Variants in TC2N observed in about 807,000 individuals in gnomAD.
TC2N encodes tandem C2 domains nuclear protein.
Under a neutral mutation model 61.9 loss-of-function variants are expected in TC2N, and 51 were observed. The ratio of observed to expected loss-of-function variants is 0.82; its 90% CI spans 0.66 to 1.04. The LOEUF (loss-of-function observed/expected upper bound fraction) is 1.04, where lower values mean the gene tolerates loss of function less well. Among genes scored for constraint, TC2N ranks in the 50% least tolerant of loss-of-function variants. The pLI, the probability that TC2N is intolerant of heterozygous loss-of-function variation, is 0.00. For missense variants in TC2N, 556 were observed against 566.7 expected (o/e 0.98, Z 0.19); for synonymous variants, 204 against 192.6 (o/e 1.06, Z -0.49).
At chr14:91,848,556 A>G (rs1249156388) in intron 1 of TC2N, among the ~76,000 whole-genome samples, 3 of 152,222 alleles carry the variant, frequency 2.0e-5, no homozygotes, top group Non-Finnish European at 4.4e-5. Context: ...AACTTCTGGT[A>G]ACTTTATTCC....
chr14:91,813,591 T>C, intron 2 of TC2N, 112 bp downstream of exon 2: 2 of 692,776 alleles, frequency 2.9e-6, no homozygotes, highest in South Asian at 3.5e-5. Flanking sequence ...GTGTGCCTTA[T>C]GTTTCTGCCT....
chr14:91,786,202 A>G (rs140213778), intron 10 of TC2N, among the ~76,000 whole-genome samples: 1 of 152,306 alleles, frequency 6.6e-6, no homozygotes, highest in East Asian at 1.9e-4. Flanking sequence ...GCCCGTCATA[A>G]ACAGCATCTG....
chr14:91,815,746 A>C (rs2139868893), intron 1 of TC2N, among the ~76,000 whole-genome samples: 1 of 151,834 alleles, frequency 6.6e-6, no homozygotes, highest in African/African-American at 2.4e-5. Flanking sequence ...CTAATCATAT[A>C]ATTTCATCCA....
At chr14:91,815,456 A>G (rs1343465878) in intron 1 of TC2N, among the ~76,000 whole-genome samples, 1 of 151,686 alleles carries the variant, frequency 6.6e-6, no homozygotes, top group Non-Finnish European at 1.5e-5. Flanking sequence ...AGAGCAAATA[A>G]AGGAAGTCTA....
At chr14:91,855,832 A>C (rs906701963) in intron 1 of TC2N, among the ~76,000 whole-genome samples, 1 of 152,164 alleles carries the variant, frequency 6.6e-6, no homozygotes, top group Non-Finnish European at 1.5e-5. Flanking sequence ...AAACGAATTC[A>C]AGGGAAGTGC....
At chr14:91,859,304 TA>T (rs201483802) in intron 1 of TC2N, among the ~76,000 whole-genome samples, 8 of 151,078 alleles carry the variant, frequency 5.3e-5, no homozygotes, top group South Asian at 2.1e-4. Flanking sequence ...ACATAAAAAT[TA>T]AAAAAAAAGA....
Position 91,783,027 on chromosome 14 carries a change from A to C in TC2N, c.*73T>G, listed in dbSNP as rs112379836. 2 of 970,384 alleles carry C rather than the reference A, an allele frequency of 2.1e-6. No homozygotes were observed. The highest frequency in any genetic ancestry group is 3.2e-6 in the Non-Finnish European group (2 of 617,010). 60.1% of individuals were successfully genotyped at this position (970,384 alleles called of 1,614,324 possible). A position where few individuals can be genotyped will look rare whatever the true frequency, so the allele number is the denominator to read the frequency against. On this transcript the variant is annotated 3_prime_UTR_variant, in exon 12 of 12. Transcript: ENST00000435962. ...CAAATTTGTTGATTTGCCTCTTCTC[A>C]TTGGTAGCAAATTGAAATCATAAGT... is the stretch of plus-strand genomic sequence containing the variant.
chr14:91,854,606 GAAGA>G (rs1382943326), intron 1 of TC2N, among the ~76,000 whole-genome samples: 1 of 152,162 alleles, frequency 6.6e-6, no homozygotes, highest in Non-Finnish European at 1.5e-5. Context: ...GCTTTTTAAA[GAAGA>G]AAGACTAAGG....
intron 9 of TC2N, among the ~76,000 whole-genome samples, chr14:91,791,920 T>C (rs1221957798): frequency 6.6e-6 from 1 of 151,824 alleles, no homozygotes; most frequent in Non-Finnish European, 1.5e-5. Context: ...ATCGAGACCA[T>C]CCTGGCTAAC....
At chr14:91,787,673 T>C in intron 9 of TC2N, 46 bp from the exon 10 acceptor site, 2 of 1,142,916 alleles carry the variant, frequency 1.7e-6, no homozygotes, top group Non-Finnish European at 1.3e-6. Context: ...ATAAAGTTTT[T>C]GAAACAATTC....
intron 3 of TC2N, among the ~76,000 whole-genome samples, chr14:91,803,930 G>T (rs989089351): frequency 1.3e-5 from 2 of 152,138 alleles, no homozygotes; most frequent in Non-Finnish European, 2.9e-5. Flanking sequence ...TAGCTTCTGA[G>T]ATCAGATGAG....
intron 1 of TC2N, among the ~76,000 whole-genome samples, chr14:91,846,995 C>T (rs1188310727): frequency 2.0e-5 from 3 of 152,200 alleles, no homozygotes; most frequent in African/African-American, 4.8e-5. Context: ...CGGTGGCTCA[C>T]GCCTATAATC....
chr14:91,814,269 A>G (rs1201393172), intron 1 of TC2N, among the ~76,000 whole-genome samples: 1 of 151,226 alleles, frequency 6.6e-6, no homozygotes, highest in East Asian at 1.9e-4. Context: ...AAACTAGGAC[A>G]TGTGCTGATA....
At chr14:91,789,000 C>T (rs1885500942) in intron 9 of TC2N, among the ~76,000 whole-genome samples, 1 of 151,830 alleles carries the variant, frequency 6.6e-6, no homozygotes, top group Non-Finnish European at 1.5e-5. Flanking sequence ...AAATTGCTGT[C>T]CTTGGCATTT....
At chr14:91,798,523 C>A in intron 6 of TC2N, 124 bp from the exon 7 acceptor site, 1 of 623,072 alleles carries the variant, frequency 1.6e-6, no homozygotes, top group Admixed American at 3.5e-5. Context: ...TTAAAGTTCA[C>A]AATCTAAGAA....
At chr14:91,801,882 C>A (rs1393420394) in intron 4 of TC2N, among the ~76,000 whole-genome samples, 1 of 152,138 alleles carries the variant, frequency 6.6e-6, no homozygotes, top group Non-Finnish European at 1.5e-5. Flanking sequence ...TCACAGTTAT[C>A]ACTTTTGAAT....
chr14:91,805,849 A>G (rs915593682), intron 3 of TC2N, among the ~76,000 whole-genome samples: 14 of 152,172 alleles, frequency 9.2e-5, no homozygotes, highest in African/African-American at 3.1e-4. Flanking sequence ...GACTCACCCA[A>G]AACAACTTAC....
intron 8 of TC2N, among the ~76,000 whole-genome samples, chr14:91,793,466 G>A (rs1006171431): frequency 5.3e-5 from 8 of 152,130 alleles, no homozygotes; most frequent in African/African-American, 9.7e-5. Context: ...TTGAAGGTTC[G>A]TGGCAACACT....
chr14:91,830,823 G>A (rs1014251361), intron 1 of TC2N, among the ~76,000 whole-genome samples: 1 of 152,132 alleles, frequency 6.6e-6, no homozygotes, highest in Non-Finnish European at 1.5e-5. Context: ...ACTTCCCAAG[G>A]ACAGGATTTT....
Sources: allele counts gnomAD v4.1 joint callset (sites outside exome capture counted in the v4.1 genomes callset), GRCh38; gene constraint gnomAD v4.1.1; transcripts MANE v1.5; gene names NCBI Gene and HGNC (gene_info 2026-07-23, HGNC 2026-07-21).